The following ANKH variants were observed in gnomAD, a reference collection of about 807,000 sequenced individuals.
ANKH encodes ANKH inorganic pyrophosphate transport regulator, also known as mineralization regulator ANKH.
ANKH carries 15 observed loss-of-function variants against 49.0 expected under a neutral mutation model. That is an observed-to-expected ratio of 0.31 (90% CI 0.20 to 0.47). ANKH has a LOEUF of 0.47. Ranked by LOEUF, ANKH falls within the 20% of genes least tolerant of loss-of-function variation. The probability of loss-of-function intolerance (pLI) is 1.00; values close to 1 mark genes in which losing one functional copy is unlikely to be tolerated. For missense variants in ANKH, 429 were observed against 652.0 expected, an observed-to-expected ratio of 0.66 and a Z score of 3.72; for synonymous variants, 273 against 260.0, an observed-to-expected ratio of 1.05 and a Z score of -0.48.
chr5:14,751,246 G>C lies in ANKH; in HGVS notation c.517-7C>G. 1 of 1,614,032 alleles carries C rather than the reference G, an allele frequency of 6.2e-7. No individual in the cohort carries two copies. Among genetic ancestry groups the C allele is most frequent in the Non-Finnish European group, 8.5e-7 (1 of 1,179,980 alleles). ...AAATGGCTACAAAAACAACCTGAGA[G>C]AAGGGAGAACGGGAACAGGTCAGAG... On this transcript the variant is annotated splice_region_variant and splice_polypyrimidine_tract_variant and intron_variant, in intron 4 of 11. Coordinates refer to ENST00000284268, the MANE Select transcript of ANKH (RefSeq NM_054027.6).
intron 7 of ANKH, 98 bp from the exon 8 acceptor site, chr5:14,742,020 T>A: frequency 1.1e-6 from 1 of 910,766 alleles, no homozygotes; most frequent in East Asian, 2.5e-5. Flanking sequence ...TTTTATCTGA[T>A]GTGTCTGAAT....
chr5:14,871,050 G>A (rs1015525913), intron 1 of ANKH: 1 of 497,864 alleles, frequency 2.0e-6, no homozygotes, highest in South Asian at 1.7e-5. Context: ...TAGAGCTGAG[G>A]TTTACATAAT....
At chr5:14,782,335 C>T (rs1739832887) in intron 1 of ANKH, among the ~76,000 whole-genome samples, 1 of 151,968 alleles carries the variant, frequency 6.6e-6, no homozygotes, top group African/African-American at 2.4e-5. Context: ...ATTTTTATTC[C>T]CCAGTTTACT....
chr5:14,755,944 C>G lies in ANKH; in HGVS notation c.433G>C (p.Ala145Pro). The change falls in exon 4 of 12, where the codon GCA becomes CCA. Residue 145 changes from alanine to proline, a missense_variant and splice_region_variant. Transcript: ENST00000284268. ...LAAFPFMDAM[A>P]WTHAGILLKH... Reference sequence around the variant, plus strand: ...AAGAGAATGCCAGCATGGGTCCATGCCTGCCAGAAAGAAAAGAATTTGGCA... The same window carrying G: ...AAGAGAATGCCAGCATGGGTCCATGGCTGCCAGAAAGAAAAGAATTTGGCA... 6.2e-7 allele frequency: 1 copy of G among 1,613,786 alleles called. No individual in the cohort carries two copies. Among genetic ancestry groups the G allele is most frequent in the Non-Finnish European group, 8.5e-7 (1 of 1,179,734 alleles).
intron 1 of ANKH, among the ~76,000 whole-genome samples, chr5:14,784,499 A>C (rs1182618744): frequency 6.6e-6 from 1 of 152,164 alleles, no homozygotes; most frequent in Non-Finnish European, 1.5e-5. Flanking sequence ...TTTATTACCT[A>C]CCCAGGCAAT....
intron 1 of ANKH, among the ~76,000 whole-genome samples, chr5:14,857,726 T>C (rs567617839): frequency 6.6e-6 from 1 of 152,156 alleles, no homozygotes; most frequent in Non-Finnish European, 1.5e-5. Flanking sequence ...AAACAAATAA[T>C]GTGAAGGAGT....
intron 1 of ANKH, among the ~76,000 whole-genome samples, chr5:14,778,311 T>C (rs968327270): frequency 1.3e-5 from 2 of 152,222 alleles, no homozygotes; most frequent in African/African-American, 4.8e-5. Flanking sequence ...GAGTTCCAAA[T>C]GGAGAATTGA....
intron 1 of ANKH, among the ~76,000 whole-genome samples, chr5:14,814,256 G>A (rs1339230958): frequency 6.6e-6 from 1 of 152,124 alleles, no homozygotes; most frequent in Non-Finnish European, 1.5e-5. Flanking sequence ...CAGGAGACTG[G>A]TGTGTGTCAT....
At chr5:14,711,439 G>A (rs1011030745) in intron 11 of ANKH, 129 bp from the exon 12 acceptor site, 9 of 767,764 alleles carry the variant, frequency 1.2e-5, no homozygotes, top group South Asian at 9.0e-5. Flanking sequence ...CTTATGGTTG[G>A]GGTGGCGTCA....
chr5:14,768,050 T>G (rs937685446), intron 2 of ANKH: 1 of 152,194 alleles, frequency 6.6e-6, no homozygotes, highest in African/African-American at 2.4e-5. Flanking sequence ...GCACAAAATT[T>G]TATGTCACAT....
chr5:14,796,681 A>C (rs1413705064), intron 1 of ANKH, among the ~76,000 whole-genome samples: 1 of 152,180 alleles, frequency 6.6e-6, no homozygotes, highest in African/African-American at 2.4e-5. Context: ...TCGAGTAGGA[A>C]TCTATATGAC....
intron 8 of ANKH, among the ~76,000 whole-genome samples, chr5:14,721,728 A>G (rs1414594974): frequency 6.6e-6 from 1 of 152,094 alleles, no homozygotes; most frequent in East Asian, 1.9e-4. Flanking sequence ...CAGGAGATCG[A>G]GACCATCCTG....
At chr5:14,835,472 G>A (rs554920899) in intron 1 of ANKH, among the ~76,000 whole-genome samples, 5 of 152,234 alleles carry the variant, frequency 3.3e-5, no homozygotes, top group East Asian at 1.9e-4. Flanking sequence ...ATCTCAGTGC[G>A]TTCAGTGGTG....
intron 11 of ANKH, among the ~76,000 whole-genome samples, chr5:14,712,199 G>A (rs1292211734): frequency 1.3e-5 from 2 of 152,236 alleles, no homozygotes; most frequent in Non-Finnish European, 2.9e-5. Context: ...GACAGCCAGT[G>A]TCCTGAGATG....
chr5:14,817,731 T>C (rs1227225470), intron 1 of ANKH, among the ~76,000 whole-genome samples: 2 of 152,202 alleles, frequency 1.3e-5, no homozygotes, highest in East Asian at 1.9e-4. Flanking sequence ...CCTACAGATA[T>C]AGGCTTCACC....
chr5:14,868,634 T>C (rs143951031), intron 1 of ANKH: 76 of 152,126 alleles, frequency 5.0e-4, no homozygotes, highest in African/African-American at 1.8e-3. Flanking sequence ...GGTCTCGAAC[T>C]CCTGACCTCA....
At chr5:14,816,615 T>A (rs1045508102) in intron 1 of ANKH, among the ~76,000 whole-genome samples, 1 of 152,028 alleles carries the variant, frequency 6.6e-6, no homozygotes, top group African/African-American at 2.4e-5. Context: ...TCACAAAAGG[T>A]TTTATTTGGG....
At chr5:14,720,234 G>GTAC (rs1737617359) in intron 8 of ANKH, among the ~76,000 whole-genome samples, 1 of 152,102 alleles carries the variant, frequency 6.6e-6, no homozygotes, top group Admixed American at 6.5e-5. Context: ...AATGGCAGAG[G>GTAC]TACTATCTCA....
intron 1 of ANKH, among the ~76,000 whole-genome samples, chr5:14,791,819 C>T (rs963471558): frequency 2.6e-5 from 4 of 152,194 alleles, no homozygotes; most frequent in Non-Finnish European, 5.9e-5. Context: ...CAAACCTCTG[C>T]CACGCAGGTG....
Sources: gnomAD v4.1 joint callset for allele counts (sites outside exome capture counted in the v4.1 genomes callset) on GRCh38, gnomAD v4.1.1 for gene constraint, MANE v1.5 for transcripts, NCBI Gene and HGNC (gene_info 2026-07-23, HGNC 2026-07-21) for gene names.